The following HERC3 variants were observed in gnomAD, a reference collection of about 807,000 sequenced individuals.
The protein encoded by HERC3 is probable E3 ubiquitin-protein ligase HERC3.
In HERC3, 58 loss-of-function variants were observed where a neutral mutation model predicts 129.9. The ratio of observed to expected loss-of-function variants is 0.45; its 90% CI spans 0.36 to 0.56. The LOEUF is 0.56. HERC3 is among the 20% of genes least tolerant of loss of function. HERC3 has a pLI of 0.00. For missense variants in HERC3, 835 were observed against 1,244.2 expected, an observed-to-expected ratio of 0.67 and a Z score of 4.95; for synonymous variants, 430 against 451.0, an observed-to-expected ratio of 0.95 and a Z score of 0.59.
chr4:88,674,045 CAG>C lies in HERC3; in HGVS notation c.1912-2167_1912-2166del, dbSNP rs142183209. ...ATTTCTTCCCAGCCATCCCACTCAACAGAGAGAATGGTGACCCTGCCCTCAAT... is the reference window on the plus strand; with the variant it reads ...ATTTCTTCCCAGCCATCCCACTCAACAGAGAATGGTGACCCTGCCCTCAAT... On this transcript the variant is annotated intron_variant, in intron 16 of 25. Transcript: ENST00000402738. Among the ~76,000 whole-genome samples, 1,264 of 152,314 alleles carry C rather than the reference CAG, an allele frequency of 8.3e-3. 20 individuals carry two copies. The highest frequency in any genetic ancestry group is 0.029 in the African/African-American group (1,202 of 41,556).
At chr4:88,538,236 T>C in the HERC3 span, among the ~76,000 whole-genome samples, 1 of 152,314 alleles carries the variant, frequency 6.6e-6, no homozygotes, top group South Asian at 2.1e-4. Context: ...GAGTACAACA[T>C]TTCCTTCTCT....
chr4:88,701,973 T>C (rs183975561), intron 23 of HERC3, among the ~76,000 whole-genome samples: 1 of 152,152 alleles, frequency 6.6e-6, no homozygotes, highest in East Asian at 1.9e-4. Flanking sequence ...TGGCTAATTT[T>C]TTGTGGAGAC....
chr4:88,552,225 G>T, the HERC3 span, among the ~76,000 whole-genome samples: 1 of 151,228 alleles, frequency 6.6e-6, no homozygotes, highest in Non-Finnish European at 1.5e-5. Flanking sequence ...CACGGCACAT[G>T]TATACATATG....
At chr4:88,653,386 T>C (rs1417290161) in intron 6 of HERC3, among the ~76,000 whole-genome samples, 1 of 152,166 alleles carries the variant, frequency 6.6e-6, no homozygotes, top group Non-Finnish European at 1.5e-5. Context: ...AGGTGGGAGA[T>C]GGGACATGTA....
At chr4:88,646,933 G>T (rs1402081075) in intron 3 of HERC3, among the ~76,000 whole-genome samples, 2 of 152,154 alleles carry the variant, frequency 1.3e-5, no homozygotes, top group Non-Finnish European at 2.9e-5. Context: ...TATTGTTGTG[G>T]TGAGGGTAGC....
At chr4:88,697,404 G>A in intron 23 of HERC3, 2 of 1,614,060 alleles carry the variant, frequency 1.2e-6, no homozygotes, top group Non-Finnish European at 1.7e-6. Flanking sequence ...GGATCTTGGC[G>A]AGTAGGGGCT....
chr4:88,688,346 T>G (rs1409466018), intron 23 of HERC3, among the ~76,000 whole-genome samples: 1 of 152,112 alleles, frequency 6.6e-6, no homozygotes. Flanking sequence ...AGAACATGAT[T>G]GGTTTCTATT....
Position 88,707,116 on chromosome 4 carries a change from A to G in HERC3, c.*156A>G. On this transcript the variant is annotated 3_prime_UTR_variant, in exon 26 of 26. Transcript: ENST00000402738. ...GGTTGATGTGTTTCTGGGATTGTATAGCAGTAAACAACCTTTTTGAAAAAT... is the reference window on the plus strand; with the variant it reads ...GGTTGATGTGTTTCTGGGATTGTATGGCAGTAAACAACCTTTTTGAAAAAT... 1.5e-6 allele frequency: 1 copy of G among 652,160 alleles called. No homozygotes were observed. The highest frequency in any genetic ancestry group is 2.6e-6 in the Non-Finnish European group (1 of 377,864). 40.4% of individuals were successfully genotyped at this position (652,160 alleles called of 1,614,324 possible). A position where few individuals can be genotyped will look rare whatever the true frequency, so the allele number is the denominator to read the frequency against.
chr4:88,659,081 C>T (rs1730217299), intron 10 of HERC3, among the ~76,000 whole-genome samples: 1 of 152,162 alleles, frequency 6.6e-6, no homozygotes, highest in South Asian at 2.1e-4. Context: ...CGAATTCCTT[C>T]CACTCTTCCT....
At chr4:88,698,255 A>G (rs937222879) in intron 23 of HERC3, among the ~76,000 whole-genome samples, 3 of 151,992 alleles carry the variant, frequency 2.0e-5, no homozygotes, top group African/African-American at 7.3e-5. Flanking sequence ...ATTCCTCTCC[A>G]TGCAGTGGAG....
chr4:88,579,119 A>G, the HERC3 span, among the ~76,000 whole-genome samples: 2 of 152,042 alleles, frequency 1.3e-5, no homozygotes, highest in Non-Finnish European at 2.9e-5. Flanking sequence ...GCAGTGGCTC[A>G]TGCCTATAAT....
chr4:88,569,852 T>C, the HERC3 span, among the ~76,000 whole-genome samples: 1 of 152,234 alleles, frequency 6.6e-6, no homozygotes. Context: ...CACATAGGGC[T>C]GCACATGCAT....
chr4:88,669,883 C>A lies in HERC3; in HGVS notation c.1657C>A (p.Pro553Thr). ...AGATAACTGGTGGTCTCAGGTATGC[C>A]CGAAATATTTCATGAAGCTGGTAAA... ...VLDNWWSQVC[P>T]KYFMKLVNLY... The change falls in exon 15 of 26, where the codon CCG becomes ACG. Residue 553 changes from proline to threonine, a missense_variant. By Grantham distance (38) the Pro-to-Thr change is conservative (BLOSUM62 -1). Coordinates refer to ENST00000402738, the MANE Select transcript of HERC3 (RefSeq NM_014606.3). 2.5e-6 allele frequency: 4 copies of A among 1,612,904 alleles called. No individual in the cohort carries two copies. Among genetic ancestry groups the A allele is most frequent in the Non-Finnish European group, 3.4e-6 (4 of 1,179,330 alleles).
At chr4:88,631,053 A>T (rs374040257) in intron 3 of HERC3, among the ~76,000 whole-genome samples, 31 of 152,320 alleles carry the variant, frequency 2.0e-4, no homozygotes, top group East Asian at 9.6e-4. Flanking sequence ...ATTTAGATTT[A>T]TGGCTTTAAG....
chr4:88,681,400 A>G, intron 21 of HERC3, 75 bp downstream of exon 21: 5 of 1,270,104 alleles, frequency 3.9e-6, no homozygotes, highest in Middle Eastern at 3.9e-4. Context: ...GGTTGAAAAT[A>G]CCATCTGTAC....
chr4:88,656,079 G>A, intron 9 of HERC3, 44 bp downstream of exon 9: 1 of 1,585,084 alleles, frequency 6.3e-7, no homozygotes, highest in Non-Finnish European at 8.6e-7. Flanking sequence ...TTTAAGTGAT[G>A]AAAACAGTTG....
rs900185398 is a variant in HERC3, at chr4:88,708,339, G to A, written c.*1379G>A. 1.3e-5 allele frequency: 2 copies of A among 152,494 alleles called. No individual in the cohort carries two copies. Among genetic ancestry groups the A allele is most frequent in the African/African-American group, 4.8e-5 (2 of 41,424 alleles). 9.4% of individuals were successfully genotyped at this position (152,494 alleles called of 1,614,324 possible). A position where few individuals can be genotyped will look rare whatever the true frequency, so the allele number is the denominator to read the frequency against. On this transcript the variant is annotated 3_prime_UTR_variant, in exon 26 of 26. Coordinates refer to ENST00000402738, the MANE Select transcript of HERC3 (RefSeq NM_014606.3). ...TGAAGTATTTATGAACTGTGATAAA[G>A]CATCAAATCTTGATGAAGGATTGTA...
chr4:88,602,781 C>G (rs575405107), intron 2 of HERC3, among the ~76,000 whole-genome samples: 2 of 152,274 alleles, frequency 1.3e-5, no homozygotes, highest in East Asian at 3.9e-4. Context: ...TGCCTGGTCA[C>G]TGTTTTCTTT....
At chr4:88,558,231 G>C in the HERC3 span, among the ~76,000 whole-genome samples, 59,652 of 151,958 alleles carry the variant, frequency 0.39, 14,303 homozygotes, top group African/African-American at 0.67. Context: ...TTAGCCATTG[G>C]GAAGATGTGG....
Sources: allele counts gnomAD v4.1 joint callset (sites outside exome capture counted in the v4.1 genomes callset), GRCh38; gene constraint gnomAD v4.1.1; transcripts MANE v1.5; gene names NCBI Gene and HGNC (gene_info 2026-07-23, HGNC 2026-07-21).